Variants in TUSC3 observed in about 807,000 individuals in gnomAD.
TUSC3 encodes dolichyl-diphosphooligosaccharide--protein glycosyltransferase subunit TUSC3.
TUSC3 carries 45 observed loss-of-function variants against 44.8 expected under a neutral mutation model. The observed-to-expected ratio is 1.00, with a 90% confidence interval of 0.79 to 1.29. TUSC3 has a LOEUF of 1.29. Ranked by LOEUF, TUSC3 falls within the 50% of genes most tolerant of loss-of-function variation. The pLI is 0.00. For synonymous variants in TUSC3, 212 were observed against 152.9 expected, an observed-to-expected ratio of 1.39 and a Z score of -2.85; for missense variants, 519 against 437.9, an observed-to-expected ratio of 1.19 and a Z score of -1.65.
At chr8:15,599,362 C>T (rs12549277) in intron 1 of TUSC3, among the ~76,000 whole-genome samples, 38,080 of 151,478 alleles carry the variant, frequency 0.25, 6,043 homozygotes, top group Non-Finnish European at 0.35. Flanking sequence ...CAAATATTTT[C>T]TCCCAGTTTG....
intron 2 of TUSC3, among the ~76,000 whole-genome samples, chr8:15,513,179 T>A (rs955939767): frequency 2.0e-5 from 3 of 151,748 alleles, no homozygotes; most frequent in Admixed American, 2.0e-4. Flanking sequence ...TTATGATAAA[T>A]ATCTCTAAAA....
chr8:15,473,701 G>T (rs1452446501), intron 1 of TUSC3, among the ~76,000 whole-genome samples: 1 of 152,162 alleles, frequency 6.6e-6, no homozygotes, highest in African/African-American at 2.4e-5. Flanking sequence ...CAAAATGGGA[G>T]GGGGTGCAAG....
chr8:15,639,537 ACT>A (rs753756860), intron 2 of TUSC3, among the ~76,000 whole-genome samples: 4 of 152,114 alleles, frequency 2.6e-5, no homozygotes, highest in East Asian at 3.9e-4. Context: ...GACTTTTAAA[ACT>A]CTAATCTTGA....
the TUSC3 span, among the ~76,000 whole-genome samples, chr8:15,793,888 G>C: frequency 1.3e-5 from 2 of 152,198 alleles, no homozygotes; most frequent in African/African-American, 4.8e-5. Flanking sequence ...AGGTCATAAA[G>C]TATCTCCATA....
intron 2 of TUSC3, among the ~76,000 whole-genome samples, chr8:15,487,866 T>C (rs1362133065): frequency 1.3e-5 from 2 of 152,076 alleles, no homozygotes; most frequent in Non-Finnish European, 1.5e-5. Context: ...CGTTTTACTT[T>C]AGTGTTTTCA....
At chr8:15,841,004 C>T in the TUSC3 span, among the ~76,000 whole-genome samples, 2 of 152,038 alleles carry the variant, frequency 1.3e-5, no homozygotes, top group African/African-American at 4.8e-5. Context: ...TTTCAAAATC[C>T]GTTATTAATG....
At chr8:15,814,239 G>A in the TUSC3 span, among the ~76,000 whole-genome samples, 1 of 152,174 alleles carries the variant, frequency 6.6e-6, no homozygotes, top group African/African-American at 2.4e-5. Flanking sequence ...GAGTGTATGT[G>A]TGTGTGTGTG....
At chr8:15,720,153 G>A (rs1485941005) in intron 6 of TUSC3, among the ~76,000 whole-genome samples, 2 of 149,876 alleles carry the variant, frequency 1.3e-5, no homozygotes, top group Admixed American at 1.3e-4. Context: ...AGTATTTATA[G>A]TAGAAGCAGA....
At chr8:15,563,826 T>C (rs1427401751) in intron 1 of TUSC3, among the ~76,000 whole-genome samples, 1 of 151,700 alleles carries the variant, frequency 6.6e-6, no homozygotes, top group African/African-American at 2.4e-5. Context: ...CACTTGTAAA[T>C]AAGAATTATT....
chr8:15,493,000 TA>T (rs1380548350), intron 2 of TUSC3, among the ~76,000 whole-genome samples: 2 of 151,932 alleles, frequency 1.3e-5, no homozygotes, highest in African/African-American at 4.8e-5. Context: ...AACAAATAAA[TA>T]CATAGACAAA....
chr8:15,645,820 C>T (rs1384778336), intron 2 of TUSC3, among the ~76,000 whole-genome samples: 1 of 152,056 alleles, frequency 6.6e-6, no homozygotes, highest in African/African-American at 2.4e-5. Context: ...TTCCCCTCAA[C>T]ACCATAACTA....
chr8:15,481,392 C>T (rs1407799758), intron 1 of TUSC3, among the ~76,000 whole-genome samples: 1 of 152,056 alleles, frequency 6.6e-6, no homozygotes, highest in Admixed American at 6.6e-5. Flanking sequence ...CAAGTTCAGA[C>T]CCCTCTTGTT....
At chr8:15,707,960 C>T (rs771531731) in intron 6 of TUSC3, among the ~76,000 whole-genome samples, 1 of 151,782 alleles carries the variant, frequency 6.6e-6, no homozygotes, top group Non-Finnish European at 1.5e-5. Context: ...TTAATAGATG[C>T]CCCACTCCAG....
chr8:15,556,167 C>A (rs1256379329), intron 1 of TUSC3, among the ~76,000 whole-genome samples: 1 of 119,414 alleles, frequency 8.4e-6, no homozygotes, highest in African/African-American at 3.0e-5. Flanking sequence ...TCCCCCCACC[C>A]CACAACAGTC....
At chr8:15,551,074 A>G (rs1802045999) in intron 1 of TUSC3, among the ~76,000 whole-genome samples, 2 of 151,786 alleles carry the variant, frequency 1.3e-5, no homozygotes, top group Admixed American at 1.3e-4. Flanking sequence ...AACCGTTTGG[A>G]GCAGCAGTTG....
At chr8:15,469,789 A>T (rs567226022) in intron 1 of TUSC3, among the ~76,000 whole-genome samples, 1 of 152,332 alleles carries the variant, frequency 6.6e-6, no homozygotes, top group Middle Eastern at 3.4e-3. Flanking sequence ...GTACATCCAG[A>T]TAATGGAATA....
At chr8:15,746,433 A>ATGAT (rs1362443562) in intron 8 of TUSC3, among the ~76,000 whole-genome samples, 1 of 152,130 alleles carries the variant, frequency 6.6e-6, no homozygotes, top group African/African-American at 2.4e-5. Flanking sequence ...CACAACTACT[A>ATGAT]TGATTAATAT....
rs556026555 is a variant in TUSC3 at position 15,471,159 on chromosome 8, C to G, written n.92-12227C>G. 3.3e-5 allele frequency among the ~76,000 whole-genome samples: 5 copies of G among 152,284 alleles called. No homozygotes were observed. In the South Asian group the frequency reaches 1.0e-3, roughly 32 times the overall value. On this transcript the variant is annotated intron_variant and non_coding_transcript_variant, in intron 1 of 5. Transcript: ENST00000503191. ...ATTTAATTCCCCAGCACTACAACCT[C>G]TGCTCATTGATTCACCAAAACTTGG... is the stretch of plus-strand genomic sequence containing the variant.
chr8:15,801,725 C>G, the TUSC3 span, among the ~76,000 whole-genome samples: 2 of 152,106 alleles, frequency 1.3e-5, no homozygotes, highest in African/African-American at 4.8e-5. Context: ...AGAACGTACC[C>G]TTGCTGGGCT....
Sources: gnomAD v4.1 joint callset for allele counts (sites outside exome capture counted in the v4.1 genomes callset) on GRCh38, gnomAD v4.1.1 for gene constraint, MANE v1.5 for transcripts, NCBI Gene and HGNC (gene_info 2026-07-23, HGNC 2026-07-21) for gene names.